ELL: variants seen among roughly 807,000 people sequenced by gnomAD.
ELL encodes RNA polymerase II elongation factor ELL.
Under a neutral mutation model 64.0 loss-of-function variants are expected in ELL, and 18 were observed. The observed-to-expected ratio is 0.28, with a 90% CI of 0.19 to 0.42. The LOEUF is 0.42. ELL is among the 10% of genes least tolerant of loss of function. ELL has a pLI of 1.00. For missense variants in ELL, 797 were observed against 870.4 expected (o/e 0.92, Z 1.06); for synonymous variants, 399 against 376.2 (o/e 1.06, Z -0.70).
At chr19:18,495,142 C>T (rs1178716021) in intron 1 of ELL, among the ~76,000 whole-genome samples, 2 of 152,172 alleles carry the variant, frequency 1.3e-5, no homozygotes, top group Non-Finnish European at 2.9e-5. Flanking sequence ...ACAGGGACCC[C>T]TGGCAGGGCT....
At chr19:18,457,210 G>A (rs1423618106) in intron 6 of ELL, among the ~76,000 whole-genome samples, 2 of 152,186 alleles carry the variant, frequency 1.3e-5, no homozygotes, top group Non-Finnish European at 2.9e-5. Context: ...CTGCATCCCG[G>A]GGAAGCTCCC....
At chr19:18,480,142 A>G (rs1247474580) in intron 1 of ELL, among the ~76,000 whole-genome samples, 2 of 152,214 alleles carry the variant, frequency 1.3e-5, no homozygotes, top group African/African-American at 4.8e-5. Flanking sequence ...CACCCTGCCA[A>G]GCCACGGCGT....
rs1295854850 is a variant in ELL, at chr19:18,512,173, A to C, written c.135+9748T>G. 3.3e-5 allele frequency among the ~76,000 whole-genome samples: 5 copies of C among 151,920 alleles called. No homozygotes were observed. The East Asian group carries it at 9.7e-4, about 29-fold the overall frequency. ...CCGTCTCAAAAAAAAAAAAGAAAAA[A>C]AATTAGTTGAGTGTGATAGCATATG... On this transcript the variant is annotated intron_variant, in intron 1 of 11. Transcript: ENST00000262809.
intron 5 of ELL, 62 bp from the exon 6 acceptor site, chr19:18,458,391 A>G: frequency 4.4e-6 from 7 of 1,577,504 alleles, no homozygotes; most frequent in Non-Finnish European, 4.3e-6. Flanking sequence ...GACTAGAGAA[A>G]AAAGATCTGA....
At chr19:18,492,684 C>T (rs1975557245) in intron 1 of ELL, among the ~76,000 whole-genome samples, 2 of 152,168 alleles carry the variant, frequency 1.3e-5, no homozygotes, top group Non-Finnish European at 2.9e-5. Flanking sequence ...CCAAAGGCAT[C>T]CCCAGACCTC....
At chr19:18,462,370 C>CGGGGGGG (rs869305278) in intron 4 of ELL, among the ~76,000 whole-genome samples, 37 of 23,002 alleles carry the variant, frequency 1.6e-3, no homozygotes, top group Admixed American at 3.2e-3. Flanking sequence ...TGTGTTTGGG[C>CGGGGGGG]GGGGGGCGGG....
intron 1 of ELL, among the ~76,000 whole-genome samples, chr19:18,510,919 C>A (rs1198319648): frequency 6.6e-6 from 1 of 152,086 alleles, no homozygotes; most frequent in African/African-American, 2.4e-5. Context: ...GTCAGGAGTT[C>A]AAGACCAGCA....
chr19:18,511,384 C>A (rs1724962935), intron 1 of ELL, among the ~76,000 whole-genome samples: 1 of 151,948 alleles, frequency 6.6e-6, no homozygotes, highest in African/African-American at 2.4e-5. Flanking sequence ...GAGTCAAGAT[C>A]ACGTCACTGC....
intron 4 of ELL, among the ~76,000 whole-genome samples, chr19:18,464,297 T>G (rs531839110): frequency 6.6e-6 from 1 of 151,818 alleles, no homozygotes; most frequent in Admixed American, 6.6e-5. Context: ...GCCTAGGAGT[T>G]TGAGGCTGCA....
At chr19:18,520,803 TC>T (rs2144987430) in intron 1 of ELL, among the ~76,000 whole-genome samples, 1 of 125,372 alleles carries the variant, frequency 8.0e-6, no homozygotes, top group East Asian at 2.5e-4. Flanking sequence ...CCACCCCCAC[TC>T]CCTTTAGGGC....
At chr19:18,499,121 A>G (rs930582896) in intron 1 of ELL, among the ~76,000 whole-genome samples, 8 of 152,178 alleles carry the variant, frequency 5.3e-5, no homozygotes, top group African/African-American at 1.9e-4. Context: ...GGCAGTGTCA[A>G]CGACCTCTCC....
chr19:18,464,378 A>G (rs1282121555), intron 4 of ELL, among the ~76,000 whole-genome samples: 1 of 152,132 alleles, frequency 6.6e-6, no homozygotes, highest in African/African-American at 2.4e-5. Context: ...AAAAAAGAAA[A>G]AACAAAAAAC....
chr19:18,452,073 A>C (rs1974551401), intron 6 of ELL, among the ~76,000 whole-genome samples: 1 of 152,170 alleles, frequency 6.6e-6, no homozygotes, highest in Non-Finnish European at 1.5e-5. Context: ...CAGGATCTGG[A>C]GGGCGGCAGA....
rs934753227 is a variant in ELL at position 18,487,115 on chromosome 19, C to T, written c.136-14233G>A. Among the ~76,000 whole-genome samples, 6 of 152,250 alleles carry T rather than the reference C, an allele frequency of 3.9e-5. No homozygotes were observed. In the East Asian group the frequency reaches 7.7e-4, roughly 20 times the overall value. ...CGTGTAGACCCTGCTGCTCAGACCCCGCTACCCCCCACCAGGAGACCCCCT... is the reference window on the plus strand; with the variant it reads ...CGTGTAGACCCTGCTGCTCAGACCCTGCTACCCCCCACCAGGAGACCCCCT... On this transcript the variant is annotated intron_variant, in intron 1 of 11. Transcript: ENST00000262809.
intron 2 of ELL, among the ~76,000 whole-genome samples, chr19:18,470,351 C>T (rs1447292983): frequency 6.6e-6 from 1 of 152,234 alleles, no homozygotes; most frequent in East Asian, 1.9e-4. Flanking sequence ...GGCCCCCCCA[C>T]TGCTCAGGTT....
At chr19:18,521,612 C>T (rs920965239) in intron 1 of ELL, among the ~76,000 whole-genome samples, 2 of 152,010 alleles carry the variant, frequency 1.3e-5, no homozygotes, top group Admixed American at 6.5e-5. Context: ...GCCCAGGTGC[C>T]CAGCAGGCCA....
chr19:18,465,365 T>C, intron 4 of ELL, 47 bp downstream of exon 4: 1 of 1,543,200 alleles, frequency 6.5e-7, no homozygotes, highest in Non-Finnish European at 8.8e-7. Flanking sequence ...CTCCCGACAC[T>C]GGCAGCTGCC....
chr19:18,462,364 T>TG (rs1555732678), intron 4 of ELL, among the ~76,000 whole-genome samples: 5,066 of 48,838 alleles, frequency 0.1, 625 homozygotes, highest in African/African-American at 0.27. Context: ...TGTGTGTGTG[T>TG]TTGGGCGGGG....
chr19:18,517,426 T>C (rs561441204), intron 1 of ELL, among the ~76,000 whole-genome samples: 3 of 152,218 alleles, frequency 2.0e-5, no homozygotes, highest in Admixed American at 6.6e-5. Flanking sequence ...TTTTTTTGTA[T>C]TTTTAGTAGA....
Sources: allele counts gnomAD v4.1 joint callset (sites outside exome capture counted in the v4.1 genomes callset), GRCh38; gene constraint gnomAD v4.1.1; transcripts MANE v1.5; gene names NCBI Gene and HGNC (gene_info 2026-07-23, HGNC 2026-07-21).